Variants in PRCC observed in about 807,000 individuals in gnomAD.
The protein encoded by PRCC is proline-rich protein PRCC.
PRCC carries 10 observed loss-of-function variants against 44.0 expected under a neutral mutation model. The observed-to-expected ratio is 0.23, with a 90% CI of 0.14 to 0.39. The LOEUF (loss-of-function observed/expected upper bound fraction) is 0.39, where lower values mean the gene tolerates loss of function less well. Among genes scored for constraint, PRCC ranks in the 10% least tolerant of loss-of-function variants. The pLI is 1.00. For synonymous variants in PRCC, 278 were observed against 259.5 expected (o/e 1.07, Z -0.69); for missense variants, 573 against 624.7 (o/e 0.92, Z 0.88).
chr1:156,782,321 A>C lies in PRCC; in HGVS notation c.508A>C (p.Ile170Leu), dbSNP rs374062247. ...EEDEPTKKKT[I>L]LQGSSEGTGL... ...AGATGAACCCACAAAGAAGAAAACT[A>C]TCCTTCAGGTAAGCATTGTGATATA... is the stretch of plus-strand genomic sequence containing the variant. The change falls in exon 2 of 7, where the codon ATC becomes CTC. Residue 170 changes from isoleucine (I) to leucine (L), a missense_variant. Ile to Leu is a conservative substitution (Grantham distance 5, BLOSUM62 2). This residue lies in a region of PRCC where 118 missense variants were observed against 166.7 expected (regional missense o/e 0.71). Transcript: ENST00000271526. 2 of 1,606,922 alleles carry C rather than the reference A, an allele frequency of 1.2e-6. No homozygotes were observed. The highest frequency in any genetic ancestry group is 2.2e-5 in the South Asian group (2 of 90,392).
intron 4 of PRCC, among the ~76,000 whole-genome samples, chr1:156,794,139 T>C (rs2102772179): frequency 6.6e-6 from 1 of 152,026 alleles, no homozygotes; most frequent in African/African-American, 2.4e-5. Flanking sequence ...GTATTTTTAG[T>C]AGAGGTGAGG....
chr1:156,771,820 C>T (rs1424840905), intron 1 of PRCC, among the ~76,000 whole-genome samples: 2 of 152,010 alleles, frequency 1.3e-5, no homozygotes, highest in Admixed American at 1.3e-4. Context: ...TGTGAGCCAC[C>T]ACGCCTAGCC....
Position 156,786,675 on chromosome 1 carries a change from C to G in PRCC, c.584C>G (p.Thr195Ser), listed in dbSNP as rs780086294. 1.2e-6 allele frequency: 2 copies of G among 1,614,078 alleles called. No individual in the cohort carries two copies. The highest frequency in any genetic ancestry group is 2.7e-5 in the African/African-American group (2 of 74,922). Residue 195 changes from threonine to serine, a missense_variant, in exon 3 of 7, where the codon ACT becomes AGT. Physicochemically the swap from Thr to Ser is moderately conservative, Grantham distance 58. This residue lies in a region of PRCC where 118 missense variants were observed against 166.7 expected (regional missense o/e 0.71). Transcript: ENST00000271526. ...PQPKNLTVKE[T>S]NRLLLPHAFS... is the part of the protein sequence containing the mutation. The stretch of plus-strand genomic sequence containing the variant: ...CCTAAAAACCTGACTGTGAAAGAGA[C>G]TAACAGGTTGCTCCTGCCCCATGCC...
chr1:156,773,261 C>A (rs974267647), intron 1 of PRCC, among the ~76,000 whole-genome samples: 10 of 151,952 alleles, frequency 6.6e-5, no homozygotes, highest in Admixed American at 2.0e-4. Flanking sequence ...TGTCTCAGAG[C>A]CAGAGCCTGG....
intron 1 of PRCC, among the ~76,000 whole-genome samples, chr1:156,778,318 G>C (rs1364199308): frequency 1.3e-5 from 2 of 152,076 alleles, no homozygotes; most frequent in Non-Finnish European, 2.9e-5. Flanking sequence ...ATTTCTCTTA[G>C]CATAACGTTC....
At position 156,782,460 on chromosome 1, in the gene PRCC, G is replaced by C. The variant is rs2274501; in HGVS notation, c.516+131G>C. ...AGATATTTGAGGACTATTTAGGTTC[G>C]GCTTTGTTTTTCTTTAGAACTTCAG... On this transcript the variant is annotated intron_variant, in intron 2 of 6. Coordinates refer to ENST00000271526, the MANE Select transcript of PRCC (RefSeq NM_005973.5). 7.4e-6 allele frequency: 6 copies of C among 808,780 alleles called. No individual in the cohort carries two copies. The Admixed American group carries it at 1.5e-4, about 20-fold the overall frequency. 50.1% of individuals were successfully genotyped at this position (808,780 alleles called of 1,614,324 possible). A position where few individuals can be genotyped will look rare whatever the true frequency, so the allele number is the denominator to read the frequency against.
chr1:156,789,090 C>T (rs1462354447), intron 3 of PRCC, among the ~76,000 whole-genome samples: 1 of 152,142 alleles, frequency 6.6e-6, no homozygotes, highest in African/African-American at 2.4e-5. Flanking sequence ...CCGCCTCAGC[C>T]TCTCGAGTAA....
rs1209416543 is a variant in PRCC at position 156,786,751 on chromosome 1, G to A, written c.660G>A (p.Leu220=). Reference sequence around the variant, plus strand: ...CCCCTGATACTAAGCCCTCCAGACTGGCTTCTAAGACCAAGACTTCCTCTC... The same window carrying A: ...CCCCTGATACTAAGCCCTCCAGACTAGCTTCTAAGACCAAGACTTCCTCTC... ...DGSPDTKPSR[L]ASKTKTSSLA... Residue 220 remains leucine, a synonymous_variant, in exon 3 of 7, where the codon CTG becomes CTA. Coordinates refer to ENST00000271526, the MANE Select transcript of PRCC (RefSeq NM_005973.5). The A allele has an allele frequency of 1.2e-6, 2 of 1,614,134 alleles. No homozygotes were observed. Among genetic ancestry groups the A allele is most frequent in the South Asian group, 2.2e-5 (2 of 91,082 alleles).
intron 6 of PRCC, among the ~76,000 whole-genome samples, chr1:156,799,319 C>T (rs949459879): frequency 6.6e-5 from 10 of 151,918 alleles, no homozygotes; most frequent in African/African-American, 9.7e-5. Flanking sequence ...CAAGTTGTCA[C>T]GAATTTCCAA....
At chr1:156,777,098 T>C (rs1457990534) in intron 1 of PRCC, among the ~76,000 whole-genome samples, 1 of 152,188 alleles carries the variant, frequency 6.6e-6, no homozygotes, top group African/African-American at 2.4e-5. Context: ...ATTTGCACCT[T>C]AGGCTTGGGG....
chr1:156,793,535 G>A (rs891923232), intron 4 of PRCC, among the ~76,000 whole-genome samples: 1 of 150,012 alleles, frequency 6.7e-6, no homozygotes. Context: ...TTGAAGTAAA[G>A]CTAAGACTCT....
At chr1:156,793,362 T>C (rs2102771501) in intron 4 of PRCC, among the ~76,000 whole-genome samples, 1 of 152,340 alleles carries the variant, frequency 6.6e-6, no homozygotes, top group Non-Finnish European at 1.5e-5. Flanking sequence ...CTGAAGCTTC[T>C]AAGTTTTAAA....
intron 1 of PRCC, among the ~76,000 whole-genome samples, chr1:156,778,810 T>A (rs1442010848): frequency 6.6e-6 from 1 of 150,734 alleles, no homozygotes; most frequent in Non-Finnish European, 1.5e-5. Flanking sequence ...ATATGGCAAT[T>A]TTTTTTTAGA....
At chr1:156,779,769 G>A (rs1187729317) in intron 1 of PRCC, among the ~76,000 whole-genome samples, 1 of 151,680 alleles carries the variant, frequency 6.6e-6, no homozygotes, top group Non-Finnish European at 1.5e-5. Flanking sequence ...ATTAGAGGTG[G>A]GGGGGTCTCA....
chr1:156,792,652 C>T (rs1299887052), intron 4 of PRCC, among the ~76,000 whole-genome samples: 1 of 152,118 alleles, frequency 6.6e-6, no homozygotes, highest in African/African-American at 2.4e-5. Context: ...CGGGGTTTCA[C>T]CACATTGGCC....
intron 5 of PRCC, among the ~76,000 whole-genome samples, chr1:156,795,618 G>T (rs1652638161): frequency 6.6e-6 from 1 of 152,066 alleles, no homozygotes; most frequent in African/African-American, 2.4e-5. Flanking sequence ...CTGGGACCTG[G>T]CTCAGCACAT....
rs768798161 is a variant in PRCC at position 156,782,341 on chromosome 1, G to A, written c.516+12G>A. On this transcript the variant is annotated intron_variant, in intron 2 of 6. Transcript: ENST00000271526. ...AAACTATCCTTCAGGTAAGCATTGT[G>A]ATATAAACCATTTTTTTTCTCTTCC... The A allele has an allele frequency of 6.3e-7, 1 of 1,593,180 alleles. No individual in the cohort carries two copies. The highest frequency in any genetic ancestry group is 1.1e-5 in the South Asian group (1 of 89,674).
chr1:156,768,044 C>A lies in PRCC; in HGVS notation c.273C>A (p.Pro91=). Residue 91 remains proline (P), a synonymous_variant, in exon 1 of 7, where the codon CCC becomes CCA. Coordinates refer to ENST00000271526, the MANE Select transcript of PRCC (RefSeq NM_005973.5). ...PPLPFGLGGF[P]PPPGVSPAEA... ...TGCCCTTCGGCCTGGGAGGCTTCCC[C>A]CCACCTCCAGGCGTGAGCCCGGCTG... 6.3e-7 allele frequency: 1 copy of A among 1,580,912 alleles called. No homozygotes were observed. The highest frequency in any genetic ancestry group is 2.3e-5 in the East Asian group (1 of 43,646).
rs1295709392 is a variant in PRCC at position 156,767,939 on chromosome 1, G to T, written c.168G>T (p.Gln56His). The T allele has an allele frequency of 1.3e-6, 2 of 1,590,584 alleles. No homozygotes were observed. Residue 56 changes from glutamine to histidine, a missense_variant, in exon 1 of 7, where the codon CAG becomes CAT. This residue lies in a region of PRCC where 245 missense variants were observed against 188.5 expected (regional missense o/e 1.30). Coordinates refer to ENST00000271526, the MANE Select transcript of PRCC (RefSeq NM_005973.5). ...CGGCCTTGCTGCCTCCGCCCCCTCA[G>T]ATGCTGGCGCCAGCCTTTCCCCCGC... ...KGPALLPPPP[Q>H]MLAPAFPPPL...
Sources: allele counts gnomAD v4.1 joint callset (sites outside exome capture counted in the v4.1 genomes callset), GRCh38; gene constraint gnomAD v4.1.1; regional missense constraint gnomAD v4.1.1; transcripts MANE v1.5; gene names NCBI Gene and HGNC (gene_info 2026-07-23, HGNC 2026-07-21).